The following PTRH1 variants were observed in gnomAD, a reference collection of about 807,000 sequenced individuals.
PTRH1 encodes the protein peptidyl-tRNA hydrolase.
A neutral mutation model predicts 15.7 loss-of-function variants in PTRH1; 13 were observed. The observed-to-expected ratio is 0.83, with a 90% CI of 0.54 to 1.31. The LOEUF is 1.31. PTRH1 is among the 40% of genes most tolerant of loss of function. The pLI, the probability that PTRH1 is intolerant of heterozygous loss-of-function variation, is 0.00. For synonymous variants in PTRH1, 139 were observed against 136.7 expected, an observed-to-expected ratio of 1.02 and a Z score of -0.12; for missense variants, 319 against 296.2, an observed-to-expected ratio of 1.08 and a Z score of -0.56.
At chr9:127,714,823 C>A in intron 2 of PTRH1, 121 bp from the exon 3 acceptor site, 1 of 1,066,844 alleles carries the variant, frequency 9.4e-7, no homozygotes, top group Non-Finnish European at 1.4e-6. Flanking sequence ...CTGAGGCCCC[C>A]CGAAGTACCC....
intron 1 of PTRH1, among the ~76,000 whole-genome samples, chr9:127,702,357 A>T (rs1328576794): frequency 6.7e-6 from 1 of 148,324 alleles, no homozygotes; most frequent in African/African-American, 2.5e-5. Context: ...TGGGTGACAG[A>T]GCAAGATTCC....
Position 127,715,063 on chromosome 9 carries a change from G to A in PTRH1, c.228C>T (p.Leu76=), listed in dbSNP as rs1213764322. 4 of 1,527,798 alleles carry A rather than the reference G, an allele frequency of 2.6e-6. No homozygotes were observed. In the African/African-American group the frequency reaches 5.5e-5, roughly 21 times the overall value. The allele number at this position is 1,527,798 out of a possible 1,614,324, so 94.6% of individuals were successfully genotyped here. A position where few individuals can be genotyped will look rare whatever the true frequency, so the allele number is the denominator to read the frequency against. ...GGGCATCCCCCAGCGGGGCCAGGGC[G>A]AGGTCGGCGGCACAGTGCCGGTCGC... ...WTRDRHCAAD[L]ALAPLGDAQL... Residue 76 remains leucine, a synonymous_variant, in exon 2 of 5, where the codon CTC becomes CTT. Coordinates refer to ENST00000543175, the MANE Select transcript of PTRH1 (RefSeq NM_001002913.3). The surrounding 1 kb of genome is among the most constrained non-coding windows in gnomAD (Gnocchi z 5.8).
chr9:127,695,053 T>TTGATGATGATGA lies in PTRH1; in HGVS notation c.282_293dup (p.His94_His97dup), dbSNP rs57076743. On this transcript the variant is annotated inframe_insertion, in exon 2 of 3. Transcript: ENST00000335223. ...AGGAAGCACAGTGAGGGCTCAGCCATTGATGATGATGATGATGATGATGAT... is the reference window on the plus strand; with the variant it reads ...AGGAAGCACAGTGAGGGCTCAGCCATTGATGATGATGATGATGATGATGATGATGATGATGAT... The TTGATGATGATGA allele has an allele frequency of 2.9e-3, 1,944 of 671,802 alleles. 20 individuals carry two copies. The highest frequency in any genetic ancestry group is 0.022 in the African/African-American group (1,213 of 54,936). 41.6% of individuals were successfully genotyped at this position (671,802 alleles called of 1,614,324 possible).
intron 1 of PTRH1, chr9:127,695,834 C>T (rs1842555821): frequency 6.6e-6 from 1 of 152,214 alleles, no homozygotes; most frequent in Admixed American, 6.5e-5. Context: ...AAAAGCACCA[C>T]ATATTGCTTA....
At chr9:127,714,473 C>A (rs1313532524) in intron 3 of PTRH1, 49 bp from the exon 4 acceptor site, 1 of 1,609,210 alleles carries the variant, frequency 6.2e-7, no homozygotes, top group Admixed American at 1.7e-5. Context: ...GGGCAGTGTC[C>A]TTCCACCCCT....
chr9:127,714,064 G>A lies in PTRH1; in HGVS notation c.*36C>T, dbSNP rs768046728. 21 of 1,603,332 alleles carry A rather than the reference G, an allele frequency of 1.3e-5. No homozygotes were observed. Among genetic ancestry groups the A allele is most frequent in the Non-Finnish European group, 1.6e-5 (19 of 1,174,468 alleles). The stretch of plus-strand genomic sequence containing the variant: ...TCTGTGGCAGTGGCTGGGTTGGTGG[G>A]CACTACAGTCAGGCAGGCAGCCATG... On this transcript the variant is annotated 3_prime_UTR_variant, in exon 5 of 5. Coordinates refer to ENST00000543175, the MANE Select transcript of PTRH1 (RefSeq NM_001002913.3).
At chr9:127,711,254 G>A (rs202146301), downstream of PTRH1, 758 of 1,614,094 alleles carry the variant, frequency 4.7e-4, 8 homozygotes, top group South Asian at 4.1e-3. Context: ...CATCCAGCGC[G>A]TGAACCTCGT....
In PTRH1 at chr9:127,695,053, T is replaced by TGATGA. The variant is rs138071672; in HGVS notation, c.293_294insTCATC (p.Gln98HisfsTer5). On this transcript the variant is annotated frameshift_variant, in exon 2 of 3. Coordinates refer to the PTRH1 transcript ENST00000335223. LOFTEE classifies it high-confidence loss of function. ...AGGAAGCACAGTGAGGGCTCAGCCA[T>TGATGA]TGATGATGATGATGATGATGATGAT... 2 of 671,696 alleles carry TGATGA rather than the reference T, an allele frequency of 3.0e-6. No homozygotes were observed. Among genetic ancestry groups the TGATGA allele is most frequent in the African/African-American group, 3.6e-5 (2 of 54,824 alleles). The allele number at this position is 671,696 out of a possible 1,614,324, so 41.6% of individuals were successfully genotyped here.
intron 3 of PTRH1, 47 bp downstream of exon 3, chr9:127,714,555 TG>T: frequency 1.3e-6 from 2 of 1,596,120 alleles, no homozygotes; most frequent in Non-Finnish European, 1.7e-6. Context: ...CCACCCCAAC[TG>T]GGAGGCCTGA....
At chr9:127,713,585 C>T, downstream of PTRH1, 1 of 368,310 alleles carries the variant, frequency 2.7e-6, no homozygotes, top group Non-Finnish European at 5.0e-6. Context: ...CAGCTCACAG[C>T]AACCTCCGCC....
rs1241912846 is a variant in PTRH1, at chr9:127,714,026, C to T, written c.*74G>A. ...TTTGTATAAAAAGTAGATACCAAGG[C>T]TGGCGTGGCAGCTCTGTGGCAGTGG... On this transcript the variant is annotated 3_prime_UTR_variant, in exon 5 of 5. Transcript: ENST00000543175. 1 of 1,586,386 alleles carries T rather than the reference C, an allele frequency of 6.3e-7. No homozygotes were observed. The highest frequency in any genetic ancestry group is 1.3e-5 in the African/African-American group (1 of 74,414).
At chr9:127,701,703 A>G (rs918041649) in intron 1 of PTRH1, among the ~76,000 whole-genome samples, 50 of 151,848 alleles carry the variant, frequency 3.3e-4, no homozygotes, top group Admixed American at 5.9e-4. Flanking sequence ...ACTTAAGGTC[A>G]GGAGTTAAGA....
Position 127,715,264 on chromosome 9 carries a change from G to T in PTRH1, c.97-70C>A. On this transcript the variant is annotated intron_variant, in intron 1 of 4. Transcript: ENST00000543175. The surrounding 1 kb of genome is among the most constrained non-coding windows in gnomAD (Gnocchi z 5.8). ...CCCCCGATCTCACAGCGTCCCGTGG[G>T]CCCCAACGCAGAGGAGCGGAAACGC... is the stretch of plus-strand genomic sequence containing the variant. 6.8e-7 allele frequency: 1 copy of T among 1,478,028 alleles called. No individual in the cohort carries two copies. Among genetic ancestry groups the T allele is most frequent in the Non-Finnish European group, 9.1e-7 (1 of 1,094,222 alleles). The allele number at this position is 1,478,028 out of a possible 1,614,324, so 91.6% of individuals were successfully genotyped here.
downstream of PTRH1, chr9:127,711,216 C>A (rs759868929): frequency 1.2e-6 from 2 of 1,612,040 alleles, no homozygotes; most frequent in Admixed American, 1.7e-5. Flanking sequence ...TCCCCTCCCA[C>A]CTTTCTGGCC....
Position 127,707,098 on chromosome 9 carries a change from A to G in PTRH1, c.205+8337T>C, listed in dbSNP as rs757132518. On this transcript the variant is annotated intron_variant, in intron 1 of 2. Coordinates refer to the PTRH1 transcript ENST00000335223. ...TGAAGTCAAGAAGAAAGGGGGCAAG[A>G]AGGAGCCGGTGGTGGCCGTGGAGCC... The G allele has an allele frequency of 3.7e-5, 59 of 1,613,812 alleles. No homozygotes were observed. Among genetic ancestry groups the G allele is most frequent in the Non-Finnish European group, 4.4e-5 (52 of 1,180,014 alleles).
Position 127,715,163 on chromosome 9 carries a change from C to A in PTRH1, c.128G>T (p.Gly43Val), listed in dbSNP as rs1167143084. 6.5e-7 allele frequency: 1 copy of A among 1,530,508 alleles called. No individual in the cohort carries two copies. The highest frequency in any genetic ancestry group is 2.0e-5 in the Admixed American group (1 of 50,270). 94.8% of individuals were successfully genotyped at this position (1,530,508 alleles called of 1,614,324 possible). A position where few individuals can be genotyped will look rare whatever the true frequency, so the allele number is the denominator to read the frequency against. Reference sequence around the variant, plus strand: ...CGCCATGCCCACGCTGTGTCGCGTGCCGGGCAGTCCGGGATTCCCCAGGCC... The same window carrying A: ...CGCCATGCCCACGCTGTGTCGCGTGACGGGCAGTCCGGGATTCCCCAGGCC... ...VAGLGNPGLP[G>V]TRHSVGMAVL... Residue 43 changes from glycine to valine, a missense_variant, in exon 2 of 5, where the codon GGC becomes GTC. Physicochemically the swap from Gly to Val is moderately radical, Grantham distance 109. Transcript: ENST00000543175. The surrounding 1 kb of genome is among the most constrained non-coding windows in gnomAD (Gnocchi z 5.8).
intron 1 of PTRH1, among the ~76,000 whole-genome samples, chr9:127,703,868 C>T (rs1588384831): frequency 1.3e-5 from 2 of 152,336 alleles, no homozygotes; most frequent in South Asian, 4.1e-4. Flanking sequence ...GAAGAGCTTC[C>T]ACGCTCCAGG....
chr9:127,715,636 T>A lies in PTRH1; in HGVS notation c.4A>T (p.Arg2Trp). 1.2e-6 allele frequency: 2 copies of A among 1,611,730 alleles called. No individual in the cohort carries two copies. The highest frequency in any genetic ancestry group is 1.7e-6 in the Non-Finnish European group (2 of 1,179,754). Residue 2 changes from arginine to tryptophan, a missense_variant, in exon 1 of 5, where the codon AGG becomes TGG. By Grantham distance (101) the Arg-to-Trp change is moderately radical (BLOSUM62 -3). Transcript: ENST00000543175. This position sits in a 1 kb window ranked among gnomAD's most constrained non-coding sequence, Gnocchi z 5.8. ...CCGGCGCCCAAAAAGCCGCCCGGCC[T>A]CATGCTGCCCCCATTCACTCCGACA... is the stretch of plus-strand genomic sequence containing the variant. MRPGGFLGAGQR... is the reference protein window; with the variant it reads MWPGGFLGAGQR...
At chr9:127,709,171 A>G (rs571070848), downstream of PTRH1, among the ~76,000 whole-genome samples, 1 of 152,386 alleles carries the variant, frequency 6.6e-6, no homozygotes, top group Admixed American at 6.5e-5. The surrounding 1 kb of genome is among the most constrained non-coding windows in gnomAD (Gnocchi z 4.7). Context: ...ACTTGTAAAC[A>G]TAACAAGGCC....
Sources: gnomAD v4.1 joint callset for allele counts (sites outside exome capture counted in the v4.1 genomes callset) on GRCh38, gnomAD v4.1.1 for gene constraint, Gnocchi (gnomAD v3.1) non-coding constraint, MANE v1.5 for transcripts, NCBI Gene and HGNC (gene_info 2026-07-23, HGNC 2026-07-21) for gene names.